The following CATSPERT variants were observed in gnomAD, a reference collection of about 807,000 sequenced individuals.
CATSPERT encodes the protein catsper channel auxiliary subunit tau.
chr2:201,599,927 C>T, the CATSPERT span, among the ~76,000 whole-genome samples: 1 of 152,228 alleles, frequency 6.6e-6, no homozygotes, highest in East Asian at 1.9e-4. Flanking sequence ...TATGTGTTGC[C>T]TCCAGCAAAA....
chr2:201,564,463 A>G, the CATSPERT span, among the ~76,000 whole-genome samples: 1 of 152,218 alleles, frequency 6.6e-6, no homozygotes. Flanking sequence ...ATAGACTCAC[A>G]GAAGATCCAG....
At chr2:201,606,000 G>A in the CATSPERT span, among the ~76,000 whole-genome samples, 1 of 152,098 alleles carries the variant, frequency 6.6e-6, no homozygotes, top group African/African-American at 2.4e-5. Flanking sequence ...CATTGAAGAA[G>A]ATAAGAACCA....
chr2:201,535,820 A>G, the CATSPERT span: 4 of 1,441,854 alleles, frequency 2.8e-6, no homozygotes, highest in East Asian at 2.5e-5. Flanking sequence ...TACTTCTAAT[A>G]TAAGGGCAGA....
At chr2:201,559,973 T>C in the CATSPERT span, among the ~76,000 whole-genome samples, 1 of 152,034 alleles carries the variant, frequency 6.6e-6, no homozygotes, top group South Asian at 2.1e-4. Context: ...AAATTAAAAA[T>C]AATGATCTTA....
chr2:201,614,840 G>A, the CATSPERT span, among the ~76,000 whole-genome samples: 5 of 152,120 alleles, frequency 3.3e-5, no homozygotes, highest in Admixed American at 6.5e-5. Flanking sequence ...ATACACACAG[G>A]CTCAAAATAA....
chr2:201,614,729 T>C, the CATSPERT span, among the ~76,000 whole-genome samples: 1 of 152,128 alleles, frequency 6.6e-6, no homozygotes, highest in Non-Finnish European at 1.5e-5. Context: ...TAAATGTAAA[T>C]GGGCTAAATG....
the CATSPERT span, among the ~76,000 whole-genome samples, chr2:201,601,257 G>A: frequency 3.6e-4 from 52 of 144,344 alleles, 2 homozygotes; most frequent in East Asian, 7.8e-3. Flanking sequence ...TTCTTCATCC[G>A]TAAAATAAGG....
chr2:201,578,010 G>A, the CATSPERT span, among the ~76,000 whole-genome samples: 149,473 of 152,268 alleles, frequency 0.98, 73,416 homozygotes, highest in East Asian at 1. Flanking sequence ...AAAAATAAAT[G>A]ATCAGCTAAA....
chr2:201,558,668 G>A, the CATSPERT span, among the ~76,000 whole-genome samples: 426 of 152,322 alleles, frequency 2.8e-3, 2 homozygotes, highest in Middle Eastern at 0.014. Context: ...ACAGTGTTAA[G>A]AGATGCTGGG....
chr2:201,534,345 T>A, the CATSPERT span: 1 of 926,620 alleles, frequency 1.1e-6, no homozygotes, highest in Non-Finnish European at 1.3e-6. Flanking sequence ...ACATCTTTTT[T>A]AATCCACTAG....
the CATSPERT span, chr2:201,493,905 T>C: frequency 6.5e-7 from 1 of 1,537,240 alleles, no homozygotes; most frequent in Non-Finnish European, 8.7e-7. Context: ...CCTCTGGAGA[T>C]TGTCCTGGTC....
At chr2:201,603,143 G>T in the CATSPERT span, 1 of 1,323,210 alleles carries the variant, frequency 7.6e-7, no homozygotes, top group Non-Finnish European at 1.1e-6. Flanking sequence ...ACTAAGTTTT[G>T]GAATGGTTTG....
the CATSPERT span, among the ~76,000 whole-genome samples, chr2:201,504,402 G>C: frequency 6.6e-6 from 1 of 152,168 alleles, no homozygotes; most frequent in Non-Finnish European, 1.5e-5. Flanking sequence ...GGTCACTCTT[G>C]ACACAGTTTT....
At chr2:201,608,647 T>A in the CATSPERT span, among the ~76,000 whole-genome samples, 2 of 151,878 alleles carry the variant, frequency 1.3e-5, no homozygotes, top group African/African-American at 2.4e-5. Flanking sequence ...CAAAACCACG[T>A]CTCTACAAAA....
the CATSPERT span, chr2:201,491,154 G>C: frequency 6.6e-7 from 1 of 1,510,110 alleles, no homozygotes; most frequent in Non-Finnish European, 8.8e-7. Flanking sequence ...AGAAGACTTA[G>C]AAAAACATTA....
At chr2:201,580,988 C>T in the CATSPERT span, among the ~76,000 whole-genome samples, 1 of 152,206 alleles carries the variant, frequency 6.6e-6, no homozygotes, top group African/African-American at 2.4e-5. Context: ...TTTGCAGCTT[C>T]AGTCATGTCT....
At chr2:201,521,215 G>A in the CATSPERT span, among the ~76,000 whole-genome samples, 2 of 152,118 alleles carry the variant, frequency 1.3e-5, no homozygotes, top group East Asian at 1.9e-4. Flanking sequence ...CCAAAAAATT[G>A]AAGCAGATAA....
At chr2:201,613,485 C>T in the CATSPERT span, among the ~76,000 whole-genome samples, 45 of 152,234 alleles carry the variant, frequency 3.0e-4, 1 homozygote, top group African/African-American at 8.2e-4. Flanking sequence ...CTGCAGCTGA[C>T]GGTCCTGACT....
At chr2:201,563,578 T>A in the CATSPERT span, among the ~76,000 whole-genome samples, 1 of 152,228 alleles carries the variant, frequency 6.6e-6, no homozygotes, top group African/African-American at 2.4e-5. Context: ...CGGGGAATAA[T>A]TCTTATAAAA....
Sources: allele counts gnomAD v4.1 joint callset (sites outside exome capture counted in the v4.1 genomes callset), GRCh38; gene constraint gnomAD v4.1.1; transcripts MANE v1.5; gene names NCBI Gene and HGNC (gene_info 2026-07-23, HGNC 2026-07-21).